Variants in MOXD1 observed in about 807,000 individuals in gnomAD.
The protein encoded by MOXD1 is DBH-like monooxygenase protein 1.
A neutral mutation model predicts 66.6 loss-of-function variants in MOXD1; 62 were observed. The observed-to-expected ratio is 0.93, with a 90% CI of 0.76 to 1.15. The LOEUF (loss-of-function observed/expected upper bound fraction) is 1.15. Among genes scored for constraint, MOXD1 ranks in the 50% most tolerant of loss-of-function variants. The pLI is 0.00. For synonymous variants in MOXD1, 303 were observed against 281.9 expected, an observed-to-expected ratio of 1.07 and a Z score of -0.75; for missense variants, 847 against 754.6, an observed-to-expected ratio of 1.12 and a Z score of -1.44.
At chr6:132,364,797 T>G (rs1776085417) in intron 4 of MOXD1, among the ~76,000 whole-genome samples, 2 of 152,160 alleles carry the variant, frequency 1.3e-5, no homozygotes, top group Admixed American at 1.3e-4. Context: ...TGATGACAGC[T>G]AACATACGAG....
At chr6:132,330,503 G>T (rs1288870759) in intron 4 of MOXD1, among the ~76,000 whole-genome samples, 2 of 152,192 alleles carry the variant, frequency 1.3e-5, no homozygotes, top group South Asian at 4.1e-4. Context: ...CATGAAACCA[G>T]TTCCCTGTTA....
At chr6:132,326,875 T>C (rs1431104299) in intron 6 of MOXD1, among the ~76,000 whole-genome samples, 1 of 152,232 alleles carries the variant, frequency 6.6e-6, no homozygotes, top group Non-Finnish European at 1.5e-5. Context: ...TTAAATATCA[T>C]ACCACGTGTC....
rs550414505 is a variant in MOXD1 at position 132,362,144 on chromosome 6, CA to C, written c.663+10463del. 1.4e-3 allele frequency among the ~76,000 whole-genome samples: 217 copies of C among 151,802 alleles called. 3 individuals carry two copies. Among genetic ancestry groups the C allele is most frequent in the Admixed American group, 0.012 (177 of 15,278 alleles). On this transcript the variant is annotated intron_variant, in intron 4 of 11. Transcript: ENST00000367963. ...AATTGTTTCCATTGAAAATAGAAAACAAAAAAATAAAATTGACCTGTGATAT... is the reference window on the plus strand; with the variant it reads ...AATTGTTTCCATTGAAAATAGAAAACAAAAAATAAAATTGACCTGTGATAT...
intron 10 of MOXD1, among the ~76,000 whole-genome samples, chr6:132,303,704 T>C (rs867940978): frequency 0.014 from 1,853 of 134,718 alleles, 76 homozygotes; most frequent in African/African-American, 0.053. Context: ...GCTGACTGTA[T>C]ACATACACAC....
In MOXD1 at chr6:132,386,448, A is replaced by C. The variant is rs1338899775; in HGVS notation, c.265-11671T>G. Among the ~76,000 whole-genome samples, 71 of 110,764 alleles carry C rather than the reference A, an allele frequency of 6.4e-4. 1 individual carries two copies. Among genetic ancestry groups the C allele is most frequent in the African/African-American group, 3.6e-3 (62 of 17,066 alleles). The allele number at this position is 110,764 out of a possible 152,430, so 72.7% of individuals were successfully genotyped here. ...CAAAACAAAACAAAAAAAAAAAACA[A>C]AAAAAAAACGGGAAAAGAGATGAAA... On this transcript the variant is annotated intron_variant, in intron 1 of 11. Coordinates refer to ENST00000367963, the MANE Select transcript of MOXD1 (RefSeq NM_015529.4).
chr6:132,321,232 C>A (rs972320655), intron 8 of MOXD1, among the ~76,000 whole-genome samples: 6 of 151,612 alleles, frequency 4.0e-5, no homozygotes, highest in African/African-American at 9.7e-5. Context: ...CCACTGTACT[C>A]CAGCCGGGGT....
At chr6:132,380,924 A>C (rs371461077) in intron 1 of MOXD1, among the ~76,000 whole-genome samples, 2 of 152,324 alleles carry the variant, frequency 1.3e-5, no homozygotes, top group South Asian at 4.1e-4. Flanking sequence ...CACGCACATG[A>C]ATCTTAGGAG....
chr6:132,316,799 T>C (rs1774968891), intron 9 of MOXD1, among the ~76,000 whole-genome samples: 1 of 152,156 alleles, frequency 6.6e-6, no homozygotes, highest in African/African-American at 2.4e-5. Flanking sequence ...ATATATGTTT[T>C]CATGTATGTT....
chr6:132,296,831 G>C lies in MOXD1; in HGVS notation c.*322C>G, dbSNP rs117834537. 1 of 183,700 alleles carries C rather than the reference G, an allele frequency of 5.4e-6. No homozygotes were observed. The highest frequency in any genetic ancestry group is 2.3e-5 in the African/African-American group (1 of 42,618). The allele number at this position is 183,700 out of a possible 1,614,324, so 11.4% of individuals were successfully genotyped here. On this transcript the variant is annotated 3_prime_UTR_variant, in exon 12 of 12. Transcript: ENST00000367963. ...TCAAAAAGTGAAATAGCAACAATGAGTATTTAAATAAAACAGAATGTAGTA... is the reference window on the plus strand; with the variant it reads ...TCAAAAAGTGAAATAGCAACAATGACTATTTAAATAAAACAGAATGTAGTA...
intron 2 of MOXD1, 77 bp from the exon 3 acceptor site, chr6:132,373,074 A>G: frequency 7.4e-7 from 1 of 1,347,322 alleles, no homozygotes; most frequent in Admixed American, 2.3e-5. Flanking sequence ...AAAGAACTCT[A>G]TTGTAAACAA....
Position 132,364,005 on chromosome 6 carries a change from AG to A in MOXD1, c.663+8602del, listed in dbSNP as rs373522234. Reference sequence around the variant, plus strand: ...TCTAAACTTTTGTACTACCTGAAAAAGATATACAAGGTTGGAGTAGACTTGG... The same window carrying A: ...TCTAAACTTTTGTACTACCTGAAAAAATATACAAGGTTGGAGTAGACTTGG... On this transcript the variant is annotated intron_variant, in intron 4 of 11. Transcript: ENST00000367963. Among the ~76,000 whole-genome samples the A allele has an allele frequency of 3.9e-3, 596 of 152,252 alleles. 4 individuals are homozygous for A. The highest frequency in any genetic ancestry group is 0.034 in the Middle Eastern group (10 of 294).
intron 4 of MOXD1, among the ~76,000 whole-genome samples, chr6:132,346,253 TTAAAC>T (rs1384548083): frequency 6.6e-6 from 1 of 152,180 alleles, no homozygotes; most frequent in Non-Finnish European, 1.5e-5. Flanking sequence ...ATGCATGTCT[TTAAAC>T]TAACTTCCTT....
chr6:132,370,030 C>G (rs930357851), intron 4 of MOXD1, among the ~76,000 whole-genome samples: 2 of 152,076 alleles, frequency 1.3e-5, no homozygotes, highest in African/African-American at 4.8e-5. Flanking sequence ...TCTTAAAACT[C>G]ACTGCAAATG....
chr6:132,335,279 A>ATTT lies in MOXD1; in HGVS notation c.664-6688_664-6686dup, dbSNP rs60132905. On this transcript the variant is annotated intron_variant, in intron 4 of 11. Coordinates refer to ENST00000367963, the MANE Select transcript of MOXD1 (RefSeq NM_015529.4). ...CAATAATGCTGGCTGAAAGAAACAT[A>ATTT]TTTTTTTTTTTTGCTTTATTTCCCT... 1.0e-4 allele frequency among the ~76,000 whole-genome samples: 15 copies of ATTT among 146,060 alleles called. No individual in the cohort carries two copies. The East Asian group carries it at 2.0e-3, about 19-fold the overall frequency.
Position 132,388,714 on chromosome 6 carries a change from G to A in MOXD1, c.264+12449C>T, listed in dbSNP as rs560479662. Among the ~76,000 whole-genome samples, 4 of 151,302 alleles carry A rather than the reference G, an allele frequency of 2.6e-5. No homozygotes were observed. The East Asian group carries it at 7.7e-4, about 29-fold the overall frequency. On this transcript the variant is annotated intron_variant, in intron 1 of 11. Coordinates refer to ENST00000367963, the MANE Select transcript of MOXD1 (RefSeq NM_015529.4). ...TCAGAATAAAAAGGGGGTCCATTTT[G>A]TTACTGTTAATTCTAATAAAAGACT...
intron 4 of MOXD1, among the ~76,000 whole-genome samples, chr6:132,349,452 CATATAT>C (rs1197053952): frequency 1.3e-5 from 1 of 74,198 alleles, no homozygotes; most frequent in Admixed American, 1.5e-4. Context: ...TATATATATA[CATATAT>C]ATATATACAT....
At chr6:132,328,724 T>C in intron 4 of MOXD1, 130 bp from the exon 5 acceptor site, 1 of 878,598 alleles carries the variant, frequency 1.1e-6, no homozygotes, top group Non-Finnish European at 1.7e-6. Context: ...TATGTCAAGG[T>C]TGTGTAGTTC....
At chr6:132,299,795 G>C (rs938163696) in intron 10 of MOXD1, among the ~76,000 whole-genome samples, 1 of 151,988 alleles carries the variant, frequency 6.6e-6, no homozygotes, top group African/African-American at 2.4e-5. Flanking sequence ...ATCCCAAGAT[G>C]TTACAGTAAT....
chr6:132,298,778 T>C (rs909635007), intron 10 of MOXD1, among the ~76,000 whole-genome samples: 1 of 151,986 alleles, frequency 6.6e-6, no homozygotes, highest in Non-Finnish European at 1.5e-5. Context: ...ACAACTGATA[T>C]TGGCAAGGTT....
Sources: gnomAD v4.1 joint callset for allele counts (sites outside exome capture counted in the v4.1 genomes callset) on GRCh38, gnomAD v4.1.1 for gene constraint, MANE v1.5 for transcripts, NCBI Gene and HGNC (gene_info 2026-07-23, HGNC 2026-07-21) for gene names.